The following SLC29A2 variants were observed in gnomAD, a reference collection of about 807,000 sequenced individuals.
The protein encoded by SLC29A2 is equilibrative nucleoside transporter 2.
SLC29A2 carries 37 observed loss-of-function variants against 48.8 expected under a neutral mutation model. The observed-to-expected ratio is 0.76, with a 90% confidence interval of 0.58 to 1.00. SLC29A2 has a LOEUF of 1.00. Among genes scored for constraint, SLC29A2 ranks in the 50% least tolerant of loss-of-function variants. SLC29A2 has a pLI of 0.00. For synonymous variants in SLC29A2, 233 were observed against 261.7 expected (o/e 0.89, Z 1.06); for missense variants, 533 against 578.6 (o/e 0.92, Z 0.81).
In SLC29A2 at chr11:66,366,568, G is replaced by A. The variant is rs572738015; in HGVS notation, c.734-4C>T. ...CTACTGGGAATCCCGTTCTCATCTG[G>A]GGTGAGGGGGGACGGGGAAGGGTCA... is the stretch of plus-strand genomic sequence containing the variant. On this transcript the variant is annotated splice_polypyrimidine_tract_variant and splice_region_variant and intron_variant, in intron 7 of 11. Transcript: ENST00000357440. 30 of 1,613,342 alleles carry A rather than the reference G, an allele frequency of 1.9e-5. No homozygotes were observed. The South Asian group carries it at 3.3e-4, about 18-fold the overall frequency.
In SLC29A2 at chr11:66,371,543, A is replaced by G. The variant is rs911917621; in HGVS notation, c.29+20T>C. The G allele has an allele frequency of 6.5e-7, 1 of 1,550,274 alleles. No individual in the cohort carries two copies. The highest frequency in any genetic ancestry group is 1.2e-5 in the South Asian group (1 of 84,176). ...TCTGCAACGCCCCCGGCCACTTGCA[A>G]CGCACCCGGGCCCACTCACCTGTCC... On this transcript the variant is annotated intron_variant, in intron 1 of 11. Transcript: ENST00000357440.
Position 66,367,813 on chromosome 11 carries a change from T to C in SLC29A2, c.607A>G (p.Ile203Val). Residue 203 changes from isoleucine (I) to valine (V), a missense_variant, in exon 6 of 12, where the codon ATC becomes GTC. Ile to Val is a conservative substitution (Grantham distance 29). Transcript: ENST00000357440. ...LGYFITPCVG[I>V]LMSIVCYLSL... Reference sequence around the variant, plus strand: ...AGGTAACACACGATGGACATGAGGATGCCCACACAGGGCGTGATAAAGTAC... The same window carrying C: ...AGGTAACACACGATGGACATGAGGACGCCCACACAGGGCGTGATAAAGTAC... The C allele has an allele frequency of 1.2e-6, 2 of 1,614,182 alleles. No individual in the cohort carries two copies. Among genetic ancestry groups the C allele is most frequent in the Non-Finnish European group, 1.7e-6 (2 of 1,180,010 alleles).
chr11:66,371,945 G>GGGGGCGGGTCCCGGATCCCT, upstream of SLC29A2: 1 of 366,962 alleles, frequency 2.7e-6, no homozygotes. Context: ...TCCTCTCCGC[G>GGGGGCGGGTCCCGGATCCCT]GGGGCGGGTC....
In SLC29A2 at chr11:66,363,404, A is replaced by G. The variant is rs1855484429; in HGVS notation, c.*32T>C. On this transcript the variant is annotated 3_prime_UTR_variant, in exon 12 of 12. Coordinates refer to ENST00000357440, the MANE Select transcript of SLC29A2 (RefSeq NM_001532.3). ...CTCAGCTCCGGAAGGAGACGTCGAG[A>G]AGAGGCTGCCAAAGAGCCTGGAGGG... The G allele has an allele frequency of 1.3e-6, 2 of 1,524,690 alleles. No homozygotes were observed. The highest frequency in any genetic ancestry group is 1.8e-6 in the Non-Finnish European group (2 of 1,099,268). 94.4% of individuals were successfully genotyped at this position (1,524,690 alleles called of 1,614,324 possible).
rs1461835662 is a variant in SLC29A2, at chr11:66,366,540, G to A, written c.758C>T (p.Pro253Leu). 6.2e-7 allele frequency: 1 copy of A among 1,613,890 alleles called. No homozygotes were observed. Among genetic ancestry groups the A allele is most frequent in the Non-Finnish European group, 8.5e-7 (1 of 1,180,008 alleles). The part of the protein sequence containing the change: ...QSDENGIPSS[P>L]QKVALTLDLD... Reference sequence around the variant, plus strand: ...ATCCAGGGTCAGAGCTACTTTCTGGGGACTACTGGGAATCCCGTTCTCATC... The same window carrying A: ...ATCCAGGGTCAGAGCTACTTTCTGGAGACTACTGGGAATCCCGTTCTCATC... The change falls in exon 8 of 12, where the codon CCC (proline) becomes CTC (leucine). Residue 253 changes from proline to leucine, a missense_variant. Physicochemically the swap from Pro to Leu is moderately conservative, Grantham distance 98 (BLOSUM62 -3). Coordinates refer to ENST00000357440, the MANE Select transcript of SLC29A2 (RefSeq NM_001532.3).
Position 66,369,503 on chromosome 11 carries a change from G to C in SLC29A2, c.141C>G (p.Gly47=), listed in dbSNP as rs8187646. The change falls in exon 3 of 12, where the codon GGC becomes GGG. Residue 47 remains glycine, a synonymous_variant. Coordinates refer to ENST00000357440, the MANE Select transcript of SLC29A2 (RefSeq NM_001532.3). Reference sequence around the variant, plus strand: ...TGCTCAGGATCCTGGCTGTGCTGTTGCCGGCCCCGGCCAGTCGCGCCTGGA... The same window carrying C: ...TGCTCAGGATCCTGGCTGTGCTGTTCCCGGCCCCGGCCAGTCGCGCCTGGA... ...PYFQARLAGA[G]NSTARILSTN... is the part of the protein sequence containing the mutation. 606 of 1,613,918 alleles carry C rather than the reference G, an allele frequency of 3.8e-4. 1 individual carries two copies. In the African/African-American group the frequency reaches 7.6e-3, roughly 20 times the overall value.
intron 2 of SLC29A2, 147 bp downstream of exon 2, chr11:66,371,097 T>A (rs1208924162): frequency 6.9e-6 from 5 of 721,862 alleles, no homozygotes; most frequent in Non-Finnish European, 1.2e-5. Context: ...GGGGGAAGCA[T>A]TCCCCTCTCC....
rs977016880 is a variant in SLC29A2 at position 66,371,160 on chromosome 11, A to C, written c.111+84T>G. On this transcript the variant is annotated intron_variant, in intron 2 of 11. Coordinates refer to ENST00000357440, the MANE Select transcript of SLC29A2 (RefSeq NM_001532.3). ...AGGGGTCACAGGTGCGCGGTGAGGAAGCGCCCGCTAAGCTTCATCCAAAGG... is the reference window on the plus strand; with the variant it reads ...AGGGGTCACAGGTGCGCGGTGAGGACGCGCCCGCTAAGCTTCATCCAAAGG... The C allele has an allele frequency of 4.8e-4, 613 of 1,273,992 alleles. 5 individuals are homozygous for C. Among genetic ancestry groups the C allele is most frequent in the Middle Eastern group, 3.8e-3 (19 of 4,994 alleles). 78.9% of individuals were successfully genotyped at this position (1,273,992 alleles called of 1,614,324 possible).
chr11:66,366,781 T>A (rs1566871), intron 7 of SLC29A2, among the ~76,000 whole-genome samples: 2 of 152,144 alleles, frequency 1.3e-5, no homozygotes, highest in East Asian at 3.9e-4. Flanking sequence ...GAATCCCCAT[T>A]TCTACAAAAA....
intron 7 of SLC29A2, 121 bp from the exon 8 acceptor site, chr11:66,366,685 C>T (rs771440478): frequency 1.8e-6 from 2 of 1,106,256 alleles, no homozygotes; most frequent in Admixed American, 2.2e-5. Context: ...CATGGTGGCT[C>T]ACGCCTGTAA....
intron 11 of SLC29A2, 77 bp from the exon 12 acceptor site, chr11:66,363,624 T>A: frequency 9.1e-7 from 1 of 1,102,804 alleles, no homozygotes; most frequent in South Asian, 1.3e-5. Flanking sequence ...CCTCTGCCCA[T>A]CCAGTCTGGG....
intron 7 of SLC29A2, among the ~76,000 whole-genome samples, chr11:66,366,798 A>G (rs1855724968): frequency 6.6e-6 from 1 of 152,126 alleles, no homozygotes. Context: ...AAAATAAAAA[A>G]ATTAGCCGGG....
At position 66,371,317 on chromosome 11, in the gene SLC29A2, A is replaced by T; in HGVS notation, c.38T>A (p.Leu13Gln). ...RGDAPRDSYH[L>Q]VGISFFILGL... Reference sequence around the variant, plus strand: ...CAGGATGAAGAAGCTGATCCCGACCAGGTGGTAGCTGTGGGGATCGGTGGG... The same window carrying T: ...CAGGATGAAGAAGCTGATCCCGACCTGGTGGTAGCTGTGGGGATCGGTGGG... The change falls in exon 2 of 12, where the codon CTG becomes CAG. Residue 13 changes from leucine (L) to glutamine (Q), a missense_variant. By Grantham distance (113) the Leu-to-Gln change is moderately radical (BLOSUM62 -2). Coordinates refer to ENST00000357440, the MANE Select transcript of SLC29A2 (RefSeq NM_001532.3). The T allele has an allele frequency of 6.2e-7, 1 of 1,613,810 alleles. No homozygotes were observed. The highest frequency in any genetic ancestry group is 1.1e-5 in the South Asian group (1 of 91,080).
At chr11:66,367,643 G>A in intron 6 of SLC29A2, 95 bp from the exon 7 acceptor site, 1 of 1,497,092 alleles carries the variant, frequency 6.7e-7, no homozygotes, top group South Asian at 1.1e-5. Flanking sequence ...GGGCCCCTCA[G>A]TGTCTTCTCT....
chr11:66,371,909 G>A (rs1856072278), upstream of SLC29A2: 3 of 451,766 alleles, frequency 6.6e-6, no homozygotes, highest in Non-Finnish European at 1.2e-5. Flanking sequence ...CCCGCTCCCC[G>A]CACAGCCCCT....
At chr11:66,371,390 C>T (rs926924739) in intron 1 of SLC29A2, 65 bp from the exon 2 acceptor site, 89 of 1,572,884 alleles carry the variant, frequency 5.7e-5, no homozygotes, top group Non-Finnish European at 6.7e-5. Context: ...TCCCGCCTCC[C>T]AGGCCACCCC....
chr11:66,371,333 G>A lies in SLC29A2; in HGVS notation c.30-8C>T, dbSNP rs1378646475. ...ATCCCGACCAGGTGGTAGCTGTGGG[G>A]ATCGGTGGGAAGGTCACCCCGAGGA... is the stretch of plus-strand genomic sequence containing the variant. On this transcript the variant is annotated splice_polypyrimidine_tract_variant and splice_region_variant and intron_variant, in intron 1 of 11. Coordinates refer to ENST00000357440, the MANE Select transcript of SLC29A2 (RefSeq NM_001532.3). The A allele has an allele frequency of 9.3e-6, 15 of 1,613,516 alleles. No homozygotes were observed. In the South Asian group the frequency reaches 1.5e-4, roughly 17 times the overall value.
At position 66,363,367 on chromosome 11, in the gene SLC29A2, C is replaced by G. The variant is rs749265652; in HGVS notation, c.*69G>C. On this transcript the variant is annotated 3_prime_UTR_variant, in exon 12 of 12. Transcript: ENST00000357440. ...GGCCTGAGCCAAGCTCGCCATTCGC[C>G]CTGGGCTGGATCTCAGCTCCGGAAG... The G allele has an allele frequency of 2.7e-5, 35 of 1,303,880 alleles. No homozygotes were observed. The African/African-American group carries it at 4.9e-4, about 18-fold the overall frequency. The allele number at this position is 1,303,880 out of a possible 1,614,324, so 80.8% of individuals were successfully genotyped here.
rs367849917 is a variant in SLC29A2, at chr11:66,371,291, C to T, written c.64G>A (p.Gly22Arg). ...HLVGISFFIL[G>R]LGTLLPWNFF... ...TTCCAGGGAAGGAGGGTGCCCAGCC[C>T]CAGGATGAAGAAGCTGATCCCGACC... The change falls in exon 2 of 12, where the codon GGG becomes AGG. Residue 22 changes from glycine (G) to arginine (R), a missense_variant. Physicochemically the swap from Gly to Arg is moderately radical, Grantham distance 125. Coordinates refer to ENST00000357440, the MANE Select transcript of SLC29A2 (RefSeq NM_001532.3). 1.0e-4 allele frequency: 166 copies of T among 1,613,766 alleles called. No homozygotes were observed. The highest frequency in any genetic ancestry group is 1.3e-4 in the Non-Finnish European group (159 of 1,180,012).
Sources: gnomAD v4.1 joint callset for allele counts (sites outside exome capture counted in the v4.1 genomes callset) on GRCh38, gnomAD v4.1.1 for gene constraint, MANE v1.5 for transcripts, NCBI Gene and HGNC (gene_info 2026-07-23, HGNC 2026-07-21) for gene names.